The following SEPTIN10 variants were observed in gnomAD, a reference collection of about 807,000 sequenced individuals.
SEPTIN10 encodes septin 10, also known as septin-10.
A neutral mutation model predicts 54.8 loss-of-function variants in SEPTIN10; 66 were observed. The observed-to-expected ratio is 1.21, with a 90% CI of 0.99 to 1.48. SEPTIN10 has a LOEUF of 1.48. Among genes scored for constraint, SEPTIN10 ranks in the 40% most tolerant of loss-of-function variants. The probability of loss-of-function intolerance (pLI) is 0.00; values close to 1 mark genes in which losing one functional copy is unlikely to be tolerated. For synonymous variants in SEPTIN10, 161 were observed against 181.0 expected, an observed-to-expected ratio of 0.89 and a Z score of 0.89; for missense variants, 620 against 545.6, an observed-to-expected ratio of 1.14 and a Z score of -1.36.
chr2:109,598,358 G>C (rs1183992129), intron 1 of SEPTIN10, among the ~76,000 whole-genome samples: 2 of 152,016 alleles, frequency 1.3e-5, no homozygotes, highest in African/African-American at 4.8e-5. Flanking sequence ...GTGAGCCACT[G>C]CGCCCGGCCC....
chr2:109,606,761 C>T (rs1312536608), intron 1 of SEPTIN10, among the ~76,000 whole-genome samples: 2 of 142,568 alleles, frequency 1.4e-5, no homozygotes, highest in African/African-American at 5.4e-5. Flanking sequence ...CTCACTGCAA[C>T]CTCCGTCTCG....
rs767790753 is a variant in SEPTIN10, at chr2:109,585,779, A to G, written c.159T>C (p.Pro53=). The G allele has an allele frequency of 1.5e-5, 25 of 1,613,948 alleles. No individual in the cohort carries two copies. The highest frequency in any genetic ancestry group is 2.0e-5 in the Non-Finnish European group (24 of 1,179,980). ...MSGHVGFESL[P]DQLVNRSIQQ... ...GAATGGATCTGTTCACCAGCTGATC[A>G]GGCAAACTCTCAAAACCAACATGGC... Residue 53 remains proline (P), a synonymous_variant, in exon 3 of 11, where the codon CCT becomes CCC. Coordinates refer to ENST00000397712, the MANE Select transcript of SEPTIN10 (RefSeq NM_144710.5).
intron 9 of SEPTIN10, chr2:109,552,794 GA>G: frequency 3.6e-6 from 1 of 276,218 alleles, no homozygotes; most frequent in Non-Finnish European, 6.7e-6. Flanking sequence ...TTTCATGAAA[GA>G]AAAATGTGTG....
chr2:109,564,692 A>T (rs1468169085), intron 7 of SEPTIN10, among the ~76,000 whole-genome samples, 158 bp from the exon 8 acceptor site: 1 of 152,254 alleles, frequency 6.6e-6, no homozygotes, highest in Non-Finnish European at 1.5e-5. Context: ...ACATGTAACC[A>T]AGGAAGAAAC....
At chr2:109,591,531 T>C (rs1330054697) in intron 2 of SEPTIN10, among the ~76,000 whole-genome samples, 3 of 152,126 alleles carry the variant, frequency 2.0e-5, no homozygotes, top group African/African-American at 4.8e-5. Context: ...GTACCATTGA[T>C]ATATGGAGAA....
chr2:109,585,150 C>A lies in SEPTIN10; in HGVS notation c.389G>T (p.Gly130Val). ...CCTCTCTTCTTTATTTATTTGGTCA[C>A]CAAATCCCACTGTATTCACAATGGT... ...KLTIVNTVGF[G>V]DQINKEESYQ... is the part of the protein sequence containing the mutation. Residue 130 changes from glycine to valine, a missense_variant, in exon 4 of 11, where the codon GGT becomes GTT. By Grantham distance (109) the Gly-to-Val change is moderately radical. Transcript: ENST00000397712. The A allele has an allele frequency of 6.3e-7, 1 of 1,586,664 alleles. No individual in the cohort carries two copies. The highest frequency in any genetic ancestry group is 8.6e-7 in the Non-Finnish European group (1 of 1,168,430).
At chr2:109,590,998 C>CTATA (rs1362072928) in intron 2 of SEPTIN10, among the ~76,000 whole-genome samples, 20 of 152,326 alleles carry the variant, frequency 1.3e-4, no homozygotes, top group African/African-American at 4.6e-4. Context: ...GGCCTTTGAC[C>CTATA]TATAGAACTG....
At chr2:109,575,732 CT>C (rs1475324598) in intron 4 of SEPTIN10, among the ~76,000 whole-genome samples, 1 of 152,208 alleles carries the variant, frequency 6.6e-6, no homozygotes, top group East Asian at 1.9e-4. Context: ...GTCAAATTCC[CT>C]GGAAACCTTT....
At chr2:109,552,847 G>T in intron 9 of SEPTIN10, 1 of 422,906 alleles carries the variant, frequency 2.4e-6, no homozygotes, top group Non-Finnish European at 4.2e-6. Flanking sequence ...TTCATTGTAA[G>T]AATTTCAACG....
intron 1 of SEPTIN10, among the ~76,000 whole-genome samples, chr2:109,593,946 A>T (rs1216790601): frequency 2.6e-5 from 4 of 152,168 alleles, no homozygotes; most frequent in Non-Finnish European, 4.4e-5. Context: ...TAATCCTTAC[A>T]ATACATCTGA....
chr2:109,564,389 C>A lies in SEPTIN10; in HGVS notation c.1005G>T (p.Val335=). ...CKLEEMGFTD[V]GPENKPVSVQ... ...ACCTGACTGGCTTGTTTTCTGGGCCCACATCTGTAAAGCCCATTTCCTCCA... is the reference window on the plus strand; with the variant it reads ...ACCTGACTGGCTTGTTTTCTGGGCCAACATCTGTAAAGCCCATTTCCTCCA... The change falls in exon 8 of 11, where the codon GTG becomes GTT. Residue 335 remains valine (V), a synonymous_variant. Coordinates refer to ENST00000397712, the MANE Select transcript of SEPTIN10 (RefSeq NM_144710.5). 6.3e-7 allele frequency: 1 copy of A among 1,576,778 alleles called. No individual in the cohort carries two copies. The highest frequency in any genetic ancestry group is 8.6e-7 in the Non-Finnish European group (1 of 1,158,090).
intron 2 of SEPTIN10, among the ~76,000 whole-genome samples, chr2:109,589,555 A>C (rs775366696): frequency 2.6e-5 from 4 of 152,098 alleles, no homozygotes; most frequent in Non-Finnish European, 5.9e-5. Flanking sequence ...AATAAAAATA[A>C]ATAAAAAGTA....
chr2:109,553,371 C>G (rs1262512625), intron 8 of SEPTIN10, 152 bp from the exon 9 acceptor site: 1 of 659,606 alleles, frequency 1.5e-6, no homozygotes, highest in African/African-American at 1.8e-5. Flanking sequence ...ATAGTGAAAC[C>G]CTGTCTCTAC....
intron 8 of SEPTIN10, among the ~76,000 whole-genome samples, chr2:109,556,364 A>T (rs189879226): frequency 1.2e-3 from 183 of 152,372 alleles, no homozygotes; most frequent in Non-Finnish European, 2.5e-4. Context: ...AATATGAATT[A>T]AATCTTATTA....
rs756518749 is a variant in SEPTIN10 at position 109,592,191 on chromosome 2, G to A, written c.99+860C>T. On this transcript the variant is annotated intron_variant, in intron 2 of 10. Transcript: ENST00000397712. ...CTCAAAAAACAAATAACGGCCGGGC[G>A]TGGTGGCTCACGCCTGTAATCCTAG... is the stretch of plus-strand genomic sequence containing the variant. Among the ~76,000 whole-genome samples, 9 of 152,140 alleles carry A rather than the reference G, an allele frequency of 5.9e-5. No individual in the cohort carries two copies. The Middle Eastern group carries it at 0.01, about 172-fold the overall frequency.
chr2:109,601,543 A>T (rs1696593041), intron 1 of SEPTIN10, among the ~76,000 whole-genome samples: 1 of 152,144 alleles, frequency 6.6e-6, no homozygotes, highest in African/African-American at 2.4e-5. Flanking sequence ...ATAAATCACC[A>T]ATTCATGTTT....
intron 9 of SEPTIN10, among the ~76,000 whole-genome samples, chr2:109,547,695 G>A (rs1365298936): frequency 2.6e-5 from 4 of 152,030 alleles, no homozygotes; most frequent in African/African-American, 9.7e-5. Context: ...AAGCTATGAA[G>A]GGCATAAAAC....
In SEPTIN10 at chr2:109,567,854, C is replaced by T. The variant is rs758008029; in HGVS notation, c.723G>A (p.Thr241=). 8 of 1,611,988 alleles carry T rather than the reference C, an allele frequency of 5.0e-6. No homozygotes were observed. The highest frequency in any genetic ancestry group is 2.2e-5 in the East Asian group (1 of 44,852). ...TGACCTTAGCAATAGTGTCATCATC[C>T]GTTGGGAACTGGTATATCTGGACGC... ...SNGVQIYQFP[T]DDDTIAKVNA... Residue 241 remains threonine, a synonymous_variant, in exon 6 of 11, where the codon ACG becomes ACA. Transcript: ENST00000397712.
At chr2:109,604,981 G>T (rs998574290) in intron 1 of SEPTIN10, 1 of 152,192 alleles carries the variant, frequency 6.6e-6, no homozygotes, top group Non-Finnish European at 1.5e-5. Flanking sequence ...CAGGTTTGAT[G>T]CAACTTTGGA....
Sources: gnomAD v4.1 joint callset for allele counts (sites outside exome capture counted in the v4.1 genomes callset) on GRCh38, gnomAD v4.1.1 for gene constraint, MANE v1.5 for transcripts, NCBI Gene and HGNC (gene_info 2026-07-23, HGNC 2026-07-21) for gene names.